Variants in ABCC12 observed in about 807,000 individuals in gnomAD.
ABCC12 encodes the protein ATP-binding cassette sub-family C member 12.
In ABCC12, 142 loss-of-function variants were observed where a neutral mutation model predicts 151.1. That is an observed-to-expected ratio of 0.94 (90% CI 0.82 to 1.08). The LOEUF (loss-of-function observed/expected upper bound fraction) is 1.08. ABCC12 is among the 50% of genes least tolerant of loss of function. The pLI is 0.00. For missense variants in ABCC12, 1,638 were observed against 1,691.1 expected (o/e 0.97, Z 0.55); for synonymous variants, 645 against 646.4 (o/e 1.00, Z 0.03).
rs1215170083 is a variant in ABCC12, at chr16:48,139,172, T to C, written c.822A>G (p.Ile274Met). The change falls in exon 7 of 31, where the codon ATA becomes ATG. Residue 274 changes from isoleucine (I) to methionine (M), a missense_variant. Transcript: ENST00000311303. ...AAAAGCCTGCCGTTACCTGGACGGG[T>C]ATGAATATGACATACACTGATATCC... ...LIGISVYVIFIPVQMFMAKLN... is the reference protein window; with the variant it reads ...LIGISVYVIFMPVQMFMAKLN... 6.3e-7 allele frequency: 1 copy of C among 1,596,144 alleles called. No individual in the cohort carries two copies. Among genetic ancestry groups the C allele is most frequent in the Admixed American group, 1.8e-5 (1 of 54,624 alleles).
rs868738199 is a variant in ABCC12, at chr16:48,082,308, G to A, written c.*1407C>T. On this transcript the variant is annotated 3_prime_UTR_variant, in exon 31 of 31. Coordinates refer to ENST00000311303, the MANE Select transcript of ABCC12 (RefSeq NM_001393797.1). ...TAAGGCCAGGTGTGCTCACCTCCCCGCTGGTTGGGTAGACCCCTGCCCAGG... is the reference window on the plus strand; with the variant it reads ...TAAGGCCAGGTGTGCTCACCTCCCCACTGGTTGGGTAGACCCCTGCCCAGG... Among the ~76,000 whole-genome samples, 3 of 152,186 alleles carry A rather than the reference G, an allele frequency of 2.0e-5. No homozygotes were observed. Among genetic ancestry groups the A allele is most frequent in the Admixed American group, 6.5e-5 (1 of 15,286 alleles).
chr16:48,133,395 AG>A (rs1178484567), intron 9 of ABCC12, among the ~76,000 whole-genome samples: 3 of 152,140 alleles, frequency 2.0e-5, no homozygotes, highest in Non-Finnish European at 2.9e-5. Flanking sequence ...TGGTGGTAGC[AG>A]GCACCTGTAA....
chr16:48,117,496 G>C (rs986207415), intron 13 of ABCC12, among the ~76,000 whole-genome samples, 163 bp from the exon 14 acceptor site: 1 of 152,218 alleles, frequency 6.6e-6, no homozygotes, highest in African/African-American at 2.4e-5. Context: ...AATGACCCAA[G>C]GGTAGCGTCC....
intron 13 of ABCC12, among the ~76,000 whole-genome samples, chr16:48,119,777 T>C (rs927486671): frequency 4.6e-5 from 7 of 152,230 alleles, no homozygotes; most frequent in African/African-American, 1.7e-4. Context: ...AGCATTGTGA[T>C]GCCTGGGAAG....
intron 9 of ABCC12, among the ~76,000 whole-genome samples, chr16:48,133,339 T>A (rs2150660112): frequency 6.6e-6 from 1 of 152,094 alleles, no homozygotes; most frequent in East Asian, 1.9e-4. Flanking sequence ...CTGGCCAACA[T>A]GGTGAAACCC....
intron 25 of ABCC12, among the ~76,000 whole-genome samples, 157 bp downstream of exon 25, chr16:48,090,963 G>C (rs62058512): frequency 6.6e-6 from 1 of 152,098 alleles, no homozygotes; most frequent in Admixed American, 6.5e-5. Flanking sequence ...TGCCCGCCTC[G>C]GCCTCCCAAA....
Position 48,139,186 on chromosome 16 carries a change from A to T in ABCC12, c.808T>A (p.Tyr270Asn), listed in dbSNP as rs1199554319. Residue 270 changes from tyrosine to asparagine, a missense_variant, in exon 7 of 31, where the codon TAT (tyrosine) becomes AAT (asparagine). Coordinates refer to ENST00000311303, the MANE Select transcript of ABCC12 (RefSeq NM_001393797.1). ...GPTALIGISV[Y>N]VIFIPVQMFM... The stretch of plus-strand genomic sequence containing the variant: ...ACCTGGACGGGTATGAATATGACAT[A>T]CACTGATATCCCGATGAGAGCTGTG... 6.2e-7 allele frequency: 1 copy of T among 1,610,468 alleles called. No individual in the cohort carries two copies. Among genetic ancestry groups the T allele is most frequent in the Non-Finnish European group, 8.5e-7 (1 of 1,179,204 alleles).
chr16:48,141,133 G>A, intron 5 of ABCC12, 73 bp downstream of exon 5: 2 of 1,575,044 alleles, frequency 1.3e-6, no homozygotes, highest in African/African-American at 1.3e-5. Context: ...CCAGCTCGTA[G>A]AGAAAGTAAC....
intron 2 of ABCC12, among the ~76,000 whole-genome samples, chr16:48,152,256 G>A (rs1965126492): frequency 6.6e-6 from 1 of 152,172 alleles, no homozygotes; most frequent in South Asian, 2.1e-4. Context: ...GAGATGCTGG[G>A]GCTGAAAAGT....
At chr16:48,136,084 G>C (rs923867657) in intron 8 of ABCC12, among the ~76,000 whole-genome samples, 2 of 152,188 alleles carry the variant, frequency 1.3e-5, no homozygotes, top group Admixed American at 6.5e-5. Flanking sequence ...AGAGCAAACT[G>C]TCTTCGAAGG....
intron 27 of ABCC12, chr16:48,087,112 C>A (rs772361562): frequency 1.2e-5 from 4 of 336,742 alleles, no homozygotes; most frequent in Non-Finnish European, 1.7e-5. Context: ...CACACCTGGG[C>A]CTCTCAGCAG....
At chr16:48,085,173 G>C (rs1962532001) in intron 29 of ABCC12, among the ~76,000 whole-genome samples, 1 of 152,084 alleles carries the variant, frequency 6.6e-6, no homozygotes, top group African/African-American at 2.4e-5. Context: ...CAGTAAGTAA[G>C]GGTGGCTAAG....
Position 48,146,395 on chromosome 16 carries a change from T to G in ABCC12, c.30A>C (p.Ser10=). ...TCCGCCGGCCTCGCTGGTCCAGATC[T>G]GAGATAAGGTAGGGTCCTTCACCCA... MVGEGPYLI[S]DLDQRGRRRS... Residue 10 remains serine, a synonymous_variant, in exon 3 of 31, where the codon TCA becomes TCC. Transcript: ENST00000311303. The G allele has an allele frequency of 6.2e-7, 1 of 1,614,162 alleles. No individual in the cohort carries two copies. Among genetic ancestry groups the G allele is most frequent in the Non-Finnish European group, 8.5e-7 (1 of 1,180,022 alleles).
At chr16:48,100,847 G>A in intron 23 of ABCC12, 25 bp downstream of exon 23, 2 of 1,611,164 alleles carry the variant, frequency 1.2e-6, no homozygotes, top group African/African-American at 1.3e-5. Context: ...TGGGGGCCTG[G>A]GGCAGGGCCC....
In ABCC12 at chr16:48,083,438, A is replaced by C. The variant is rs372772067; in HGVS notation, c.*277T>G. 1.7e-4 allele frequency: 70 copies of C among 402,530 alleles called. 2 individuals are homozygous for C. In the South Asian group the frequency reaches 3.1e-3, roughly 18 times the overall value. 24.9% of individuals were successfully genotyped at this position (402,530 alleles called of 1,614,324 possible). A position where few individuals can be genotyped will look rare whatever the true frequency, so the allele number is the denominator to read the frequency against. ...ACTGGGGTGGTTTTGGTGAAAACAC[A>C]TGAGGAACCCTTGGGGATTTGGGAG... On this transcript the variant is annotated 3_prime_UTR_variant, in exon 31 of 31. Coordinates refer to ENST00000311303, the MANE Select transcript of ABCC12 (RefSeq NM_001393797.1).
intron 20 of ABCC12, among the ~76,000 whole-genome samples, chr16:48,106,710 C>T (rs1161472505): frequency 1.3e-5 from 2 of 152,188 alleles, no homozygotes; most frequent in African/African-American, 4.8e-5. Flanking sequence ...GTCCCCACAG[C>T]ACTCCCCAGG....
intron 25 of ABCC12, among the ~76,000 whole-genome samples, chr16:48,089,487 T>G (rs764706942): frequency 4.6e-5 from 7 of 152,240 alleles, no homozygotes; most frequent in Non-Finnish European, 1.0e-4. Context: ...ATGCAAGGTC[T>G]AATTAAGGAG....
intron 29 of ABCC12, 67 bp downstream of exon 29, chr16:48,085,526 T>C: frequency 1.4e-6 from 2 of 1,387,058 alleles, no homozygotes; most frequent in Non-Finnish European, 2.1e-6. Flanking sequence ...TGGCTCTGCC[T>C]CCTGGATTGA....
intron 8 of ABCC12, among the ~76,000 whole-genome samples, chr16:48,135,658 T>C (rs1295282380): frequency 6.6e-6 from 1 of 152,160 alleles, no homozygotes; most frequent in African/African-American, 2.4e-5. Context: ...TTCTGAGACA[T>C]CTCCCTATTT....
Sources: gnomAD v4.1 joint callset for allele counts (sites outside exome capture counted in the v4.1 genomes callset) on GRCh38, gnomAD v4.1.1 for gene constraint, MANE v1.5 for transcripts, NCBI Gene and HGNC (gene_info 2026-07-23, HGNC 2026-07-21) for gene names.